The following MYO6 variants were observed in gnomAD, a reference collection of about 807,000 sequenced individuals.
MYO6 encodes the protein unconventional myosin-VI.
A neutral mutation model predicts 178.7 loss-of-function variants in MYO6; 74 were observed. The ratio of observed to expected loss-of-function variants is 0.41; its 90% CI spans 0.34 to 0.50. The LOEUF is 0.50. Ranked by LOEUF, MYO6 falls within the 20% of genes least tolerant of loss-of-function variation. The probability of loss-of-function intolerance (pLI) is 0.09; values close to 1 mark genes in which losing one functional copy is unlikely to be tolerated. For missense variants in MYO6, 1,330 were observed against 1,547.4 expected (o/e 0.86, Z 2.36); for synonymous variants, 477 against 504.6 (o/e 0.95, Z 0.73).
intron 13 of MYO6, among the ~76,000 whole-genome samples, chr6:75,857,964 A>T (rs1455303444): frequency 6.6e-6 from 1 of 152,164 alleles, no homozygotes; most frequent in African/African-American, 2.4e-5. Flanking sequence ...AAAGAAATGT[A>T]TGAGTGTTTA....
At position 75,890,278 on chromosome 6, in the gene MYO6, T is replaced by C. The variant is rs1219954141; in HGVS notation, c.2867+13T>C. 1.2e-5 allele frequency: 20 copies of C among 1,613,392 alleles called. No homozygotes were observed. Among genetic ancestry groups the C allele is most frequent in the Non-Finnish European group, 1.5e-5 (18 of 1,179,562 alleles). ...AGGAAAGGCGGATGTGAGGCATTTA[T>C]ATTATTTTGAATAAGAGACTTAAAG... On this transcript the variant is annotated intron_variant, in intron 26 of 34. Transcript: ENST00000369977.
rs72654761 is a variant in MYO6, at chr6:75,779,223, C to T, written c.-48+29800C>T. On this transcript the variant is annotated intron_variant, in intron 1 of 34. Coordinates refer to ENST00000369977, the MANE Select transcript of MYO6 (RefSeq NM_004999.4). ...GTAAATTCTTAATAAAAAACGAGGC[C>T]GGGTGCAGTGTCTCACACCTATAAT... 0.013 allele frequency among the ~76,000 whole-genome samples: 1,919 copies of T among 152,044 alleles called. 66 individuals carry two copies. In the East Asian group the frequency reaches 0.13, roughly 11 times the overall value.
At chr6:75,840,719 G>C in intron 8 of MYO6, 37 bp downstream of exon 8, 1 of 1,502,848 alleles carries the variant, frequency 6.7e-7, no homozygotes, top group Non-Finnish European at 9.2e-7. Context: ...TATTTTTGGG[G>C]AGTGTTTGTG....
chr6:75,820,709 C>T (rs1449384490), intron 2 of MYO6, among the ~76,000 whole-genome samples: 1 of 152,090 alleles, frequency 6.6e-6, no homozygotes, highest in Non-Finnish European at 1.5e-5. Flanking sequence ...ACTTATTTTT[C>T]TTTTAAGACT....
At chr6:75,912,789 A>T (rs1780859377) in intron 33 of MYO6, among the ~76,000 whole-genome samples, 1 of 152,132 alleles carries the variant, frequency 6.6e-6, no homozygotes, top group Non-Finnish European at 1.5e-5. Flanking sequence ...CTGGGAAAAC[A>T]GGAGCAAAAG....
chr6:75,861,305 C>G (rs1360919937), intron 15 of MYO6, among the ~76,000 whole-genome samples: 1 of 152,066 alleles, frequency 6.6e-6, no homozygotes, highest in Non-Finnish European at 1.5e-5. Context: ...ATAATCTCTT[C>G]TATTTATTTT....
intron 1 of MYO6, among the ~76,000 whole-genome samples, chr6:75,760,009 A>G (rs186097144): frequency 1.3e-5 from 2 of 152,312 alleles, no homozygotes; most frequent in East Asian, 3.9e-4. Context: ...AATTAAAAAT[A>G]TTTTGGCAAT....
chr6:75,813,319 G>GC (rs749160476), intron 1 of MYO6, among the ~76,000 whole-genome samples: 1 of 152,018 alleles, frequency 6.6e-6, no homozygotes, highest in Non-Finnish European at 1.5e-5. Flanking sequence ...ACCATCCCAA[G>GC]CCCATGGCAA....
At chr6:75,841,874 A>C (rs1330162253) in intron 9 of MYO6, among the ~76,000 whole-genome samples, 1 of 152,206 alleles carries the variant, frequency 6.6e-6, no homozygotes, top group Non-Finnish European at 1.5e-5. Flanking sequence ...CTGAGTTTAT[A>C]GTATAACACT....
chr6:75,894,691 T>A (rs960460611), intron 28 of MYO6: 8 of 564,594 alleles, frequency 1.4e-5, no homozygotes, highest in Non-Finnish European at 1.7e-5. Context: ...AATTTATGAG[T>A]AAGAACTAAG....
Position 75,892,700 on chromosome 6 carries a change from C to T in MYO6, c.3107+10C>T, listed in dbSNP as rs762364805. The stretch of plus-strand genomic sequence containing the variant: ...ACCTGGCGCTGCGGAGGTACTGGGG[C>T]CCCTGGGTGGGGTATAGCGCTCTCT... On this transcript the variant is annotated intron_variant, in intron 28 of 34. Transcript: ENST00000369977. 2.5e-5 allele frequency: 41 copies of T among 1,611,906 alleles called. No homozygotes were observed. Among genetic ancestry groups the T allele is most frequent in the East Asian group, 4.5e-5 (2 of 44,884 alleles).
rs111861198 is a variant in MYO6 at position 75,906,869 on chromosome 6, T to C, written c.3177-736T>C. ...CAGCACTTGTGCCCTTTGAAATCTC[T>C]GTTATTTACCTCATGAGCTAAAACC... On this transcript the variant is annotated intron_variant, in intron 30 of 34. Transcript: ENST00000369977. Among the ~76,000 whole-genome samples, 45 of 152,328 alleles carry C rather than the reference T, an allele frequency of 3.0e-4. 1 individual carries two copies. The highest frequency in any genetic ancestry group is 9.9e-4 in the African/African-American group (41 of 41,572).
intron 6 of MYO6, among the ~76,000 whole-genome samples, chr6:75,834,611 A>G (rs1773460296): frequency 6.6e-6 from 1 of 152,212 alleles, no homozygotes; most frequent in African/African-American, 2.4e-5. Flanking sequence ...CTTTTAATTT[A>G]CATACCCATG....
At chr6:75,836,105 A>T (rs1455644476) in intron 7 of MYO6, 149 bp downstream of exon 7, 7 of 703,920 alleles carry the variant, frequency 9.9e-6, no homozygotes, top group Admixed American at 2.1e-5. Flanking sequence ...TTATTTACCT[A>T]ATATCAATTG....
intron 1 of MYO6, among the ~76,000 whole-genome samples, chr6:75,754,650 AG>A (rs1777195334): frequency 6.6e-6 from 1 of 150,606 alleles, no homozygotes; most frequent in African/African-American, 2.4e-5. Context: ...ATATTTACTG[AG>A]GGCCCACTGT....
chr6:75,851,822 G>C (rs1433419857), intron 11 of MYO6, among the ~76,000 whole-genome samples: 1 of 151,952 alleles, frequency 6.6e-6, no homozygotes. Flanking sequence ...GCTTGGGAGA[G>C]TGAGACCCTG....
At chr6:75,834,311 C>T (rs768423848) in intron 6 of MYO6, among the ~76,000 whole-genome samples, 13 of 152,066 alleles carry the variant, frequency 8.5e-5, no homozygotes, top group South Asian at 2.1e-4. Context: ...TAGCTCACTG[C>T]ATCCTCGACC....
intron 1 of MYO6, among the ~76,000 whole-genome samples, chr6:75,783,965 TTTTA>T (rs543308261): frequency 2.6e-5 from 4 of 151,924 alleles, no homozygotes; most frequent in Non-Finnish European, 5.9e-5. Flanking sequence ...ACTTTTTTAT[TTTTA>T]TTTATTATTT....
At chr6:75,787,819 G>A (rs1312148088) in intron 1 of MYO6, among the ~76,000 whole-genome samples, 1 of 142,410 alleles carries the variant, frequency 7.0e-6, no homozygotes, top group Non-Finnish European at 1.5e-5. Context: ...GAGTGCAGTG[G>A]CACAATCATG....
Sources: gnomAD v4.1 joint callset for allele counts (sites outside exome capture counted in the v4.1 genomes callset) on GRCh38, gnomAD v4.1.1 for gene constraint, MANE v1.5 for transcripts, NCBI Gene and HGNC (gene_info 2026-07-23, HGNC 2026-07-21) for gene names.